Variants in DZIP3 observed in about 807,000 individuals in gnomAD.
DZIP3 encodes DAZ interacting zinc finger protein 3.
Under a neutral mutation model 162.0 loss-of-function variants are expected in DZIP3, and 118 were observed. The ratio of observed to expected loss-of-function variants is 0.73; its 90% CI spans 0.63 to 0.85. The LOEUF (loss-of-function observed/expected upper bound fraction) is 0.85, where lower values mean the gene tolerates loss of function less well. Among genes scored for constraint, DZIP3 ranks in the 40% least tolerant of loss-of-function variants. The probability of loss-of-function intolerance (pLI) is 0.00; values close to 1 mark genes in which losing one functional copy is unlikely to be tolerated. For synonymous variants in DZIP3, 438 were observed against 458.6 expected (o/e 0.96, Z 0.57); for missense variants, 1,331 against 1,407.0 (o/e 0.95, Z 0.86).
Position 108,677,512 on chromosome 3 carries a change from C to T in DZIP3, c.2797C>T (p.Gln933Ter). 6.2e-7 allele frequency: 1 copy of T among 1,612,386 alleles called. No homozygotes were observed. The highest frequency in any genetic ancestry group is 8.5e-7 in the Non-Finnish European group (1 of 1,178,836). The stretch of plus-strand genomic sequence containing the variant: ...CTTCTACCAGACACAGTACAATGAA[C>T]AAATAAACAAAGTCAAGCAAGGATT... ...IAFLRTQYNEQINKVKQGFAL... is the reference protein window; with the variant it reads ...IAFLRTQYNE Residue 933 changes from glutamine (Q) to a stop codon, truncating the protein, a stop_gained, in exon 26 of 33, where the codon CAA becomes TAA. Coordinates refer to ENST00000361582, the MANE Select transcript of DZIP3 (RefSeq NM_014648.4). LOFTEE classifies it high-confidence loss of function.
intron 5 of DZIP3, among the ~76,000 whole-genome samples, chr3:108,622,848 C>G (rs1292578146): frequency 3.3e-5 from 3 of 91,602 alleles, no homozygotes; most frequent in Non-Finnish European, 7.0e-5. Flanking sequence ...CTCTCTCTCT[C>G]TCTCTCTCTC....
chr3:108,668,174 CAAA>C (rs1943759451), intron 21 of DZIP3, among the ~76,000 whole-genome samples: 1 of 151,918 alleles, frequency 6.6e-6, no homozygotes, highest in Admixed American at 6.6e-5. Context: ...GAAGTGTTAA[CAAA>C]GAAGATTTTA....
At chr3:108,654,825 T>C (rs1943035279) in intron 19 of DZIP3, among the ~76,000 whole-genome samples, 1 of 152,158 alleles carries the variant, frequency 6.6e-6, no homozygotes, top group Non-Finnish European at 1.5e-5. Flanking sequence ...GTGAACATGA[T>C]TTAAGTGCTC....
In DZIP3 at chr3:108,631,055, A is replaced by ACACACACACACACACATACACTCTCTCT; in HGVS notation, c.696+1880_696+1881insACACACACACACACATACACTCTCTCTC. On this transcript the variant is annotated intron_variant, in intron 8 of 32. Coordinates refer to ENST00000361582, the MANE Select transcript of DZIP3 (RefSeq NM_014648.4). ...CACACACACACACACACACACACACACTCTCTCTCTCTCTCTCTCTCTCTC... is the reference window on the plus strand; with the variant it reads ...CACACACACACACACACACACACACACACACACACACACACATACACTCTCTCTCTCTCTCTCTCTCTCTCTCTCTCTC... Among the ~76,000 whole-genome samples the ACACACACACACACACATACACTCTCTCT allele has an allele frequency of 7.4e-3, 133 of 18,020 alleles. 13 individuals are homozygous for ACACACACACACACACATACACTCTCTCT. The highest frequency in any genetic ancestry group is 0.033 in the South Asian group (14 of 426). 11.8% of individuals were successfully genotyped at this position (18,020 alleles called of 152,430 possible). A position where few individuals can be genotyped will look rare whatever the true frequency, so the allele number is the denominator to read the frequency against.
intron 1 of DZIP3, chr3:108,602,779 G>C (rs1426955769): frequency 2.6e-5 from 4 of 152,170 alleles, no homozygotes; most frequent in Non-Finnish European, 5.9e-5. Flanking sequence ...CGCAACAGAG[G>C]CTGTAAAGTG....
chr3:108,672,594 A>C lies in DZIP3; in HGVS notation c.2527A>C (p.Ser843Arg), dbSNP rs1235318686. 1 of 1,612,086 alleles carries C rather than the reference A, an allele frequency of 6.2e-7. No individual in the cohort carries two copies. The highest frequency in any genetic ancestry group is 1.1e-5 in the South Asian group (1 of 90,994). ...QWEMEKHNLE[S>R]TMKTYVSKLN... is the part of the protein sequence containing the mutation. Reference sequence around the variant, plus strand: ...GGAAATGGAAAAACATAATCTGGAAAGCACAATGAAAACATACGTAAGCAA... The same window carrying C: ...GGAAATGGAAAAACATAATCTGGAACGCACAATGAAAACATACGTAAGCAA... Residue 843 changes from serine to arginine, a missense_variant, in exon 23 of 33, where the codon AGC becomes CGC. Ser to Arg is a moderately radical substitution (Grantham distance 110). Transcript: ENST00000361582.
chr3:108,617,425 C>T (rs1395502052), intron 5 of DZIP3, among the ~76,000 whole-genome samples: 1 of 151,542 alleles, frequency 6.6e-6, no homozygotes, highest in Non-Finnish European at 1.5e-5. Flanking sequence ...CTTTTTAAAC[C>T]ATAATTAATC....
At chr3:108,622,961 C>T (rs1319699166) in intron 5 of DZIP3, among the ~76,000 whole-genome samples, 1 of 150,914 alleles carries the variant, frequency 6.6e-6, no homozygotes, top group African/African-American at 2.4e-5. Flanking sequence ...ACCACTGAGA[C>T]TCCTCTAGTT....
chr3:108,675,956 T>A, intron 25 of DZIP3, 83 bp downstream of exon 25: 1 of 1,183,378 alleles, frequency 8.5e-7, no homozygotes, highest in Non-Finnish European at 1.2e-6. Context: ...TAGAAAAATT[T>A]AAGGAAGAAC....
chr3:108,678,866 T>C (rs1944206275), intron 26 of DZIP3, among the ~76,000 whole-genome samples: 1 of 152,082 alleles, frequency 6.6e-6, no homozygotes, highest in Non-Finnish European at 1.5e-5. Flanking sequence ...TTAAAAATTA[T>C]ATAATTTGTA....
chr3:108,684,718 G>T (rs1427862700), intron 27 of DZIP3, among the ~76,000 whole-genome samples: 1 of 152,064 alleles, frequency 6.6e-6, no homozygotes, highest in Non-Finnish European at 1.5e-5. Flanking sequence ...ATGGCACAAA[G>T]CTAAAGAAAA....
chr3:108,635,046 G>T, intron 10 of DZIP3, 74 bp downstream of exon 10: 2 of 851,340 alleles, frequency 2.3e-6, no homozygotes, highest in South Asian at 4.1e-5. Context: ...CTTCCCCATC[G>T]TTTCTTCCTG....
rs1272624002 is a variant in DZIP3 at position 108,688,633 on chromosome 3, C to T, written c.3311C>T (p.Pro1104Leu). The change falls in exon 30 of 33, where the codon CCT becomes CTT. Residue 1104 changes from proline (P) to leucine (L), a missense_variant. By Grantham distance (98) the Pro-to-Leu change is moderately conservative (BLOSUM62 -3). Around this residue, in one of 2 missense-constraint regions of DZIP3, gnomAD observed 1,278 missense variants for 1,317.1 expected, o/e 0.97. Transcript: ENST00000361582. ...KSVSNVNCVS[P>L]SHSPSQPDAA... ...GTGTCAAATGTTAATTGTGTTTCAC[C>T]TAGTCATTCTCCATCACAGCCTGAT... 1 of 1,613,934 alleles carries T rather than the reference C, an allele frequency of 6.2e-7. No individual in the cohort carries two copies. The highest frequency in any genetic ancestry group is 8.5e-7 in the Non-Finnish European group (1 of 1,179,978).
At chr3:108,660,854 C>A (rs1237668360) in intron 19 of DZIP3, among the ~76,000 whole-genome samples, 1 of 152,198 alleles carries the variant, frequency 6.6e-6, no homozygotes, top group Non-Finnish European at 1.5e-5. Context: ...CAAAAGAACA[C>A]ATATATGCAG....
At chr3:108,684,462 A>C in intron 27 of DZIP3, 121 bp downstream of exon 27, 2 of 1,237,330 alleles carry the variant, frequency 1.6e-6, no homozygotes, top group Non-Finnish European at 2.2e-6. Flanking sequence ...GGTGGTGGTG[A>C]TAATTGAATG....
At position 108,677,954 on chromosome 3, in the gene DZIP3, C is replaced by T. The variant is rs184459862; in HGVS notation, c.2883+356C>T. ...TCAGAGGTCCCCAACCTCTGGGCCA[C>T]GGACCAGTGCACAGCAGGAGGTGAG... On this transcript the variant is annotated intron_variant, in intron 26 of 32. Transcript: ENST00000361582. Among the ~76,000 whole-genome samples, 90 of 152,110 alleles carry T rather than the reference C, an allele frequency of 5.9e-4. No homozygotes were observed. The East Asian group carries it at 8.1e-3, about 14-fold the overall frequency.
In DZIP3 at chr3:108,662,163, C is replaced by T. The variant is rs1419058031; in HGVS notation, c.2329C>T (p.Arg777Trp). 3 of 1,606,214 alleles carry T rather than the reference C, an allele frequency of 1.9e-6. No individual in the cohort carries two copies. The highest frequency in any genetic ancestry group is 3.5e-5 in the Admixed American group (2 of 57,936). Reference sequence around the variant, plus strand: ...AAGACAGTTGAGAACAGTGACTTTTCGGTGGCAAGAAAACCAAATGCAGAT... The same window carrying T: ...AAGACAGTTGAGAACAGTGACTTTTTGGTGGCAAGAAAACCAAATGCAGAT... ...FKRQLRTVTF[R>W]WQENQMQIKK... is the part of the protein sequence containing the mutation. Residue 777 changes from arginine to tryptophan, a missense_variant, in exon 21 of 33, where the codon CGG (arginine) becomes TGG (tryptophan). Arg to Trp is a moderately radical substitution (Grantham distance 101). This residue lies in a region of DZIP3 where 1,278 missense variants were observed against 1,317.1 expected (regional missense o/e 0.97). Transcript: ENST00000361582.
chr3:108,620,809 TTTTTGTTTTG>T (rs771436801), intron 5 of DZIP3, among the ~76,000 whole-genome samples: 6 of 151,988 alleles, frequency 3.9e-5, no homozygotes, highest in East Asian at 1.9e-4. Flanking sequence ...AAGATCATTG[TTTTTGTTTTG>T]TTTTGTTTTG....
chr3:108,665,298 T>G (rs1199488056), intron 21 of DZIP3, among the ~76,000 whole-genome samples: 2 of 152,156 alleles, frequency 1.3e-5, no homozygotes, highest in Non-Finnish European at 2.9e-5. Context: ...GAAAATTATA[T>G]ACTAGAAAAT....
Sources: allele counts gnomAD v4.1 joint callset (sites outside exome capture counted in the v4.1 genomes callset), GRCh38; gene constraint gnomAD v4.1.1; regional missense constraint gnomAD v4.1.1; transcripts MANE v1.5; gene names NCBI Gene and HGNC (gene_info 2026-07-23, HGNC 2026-07-21).